GRM3: variants seen among roughly 807,000 people sequenced by gnomAD.
The protein encoded by GRM3 is glutamate metabotropic receptor 3.
In GRM3, 26 loss-of-function variants were observed where a neutral mutation model predicts 70.5. The observed-to-expected ratio is 0.37, with a 90% CI of 0.27 to 0.51. GRM3 has a LOEUF of 0.51. Among genes scored for constraint, GRM3 ranks in the 20% least tolerant of loss-of-function variants. The probability of loss-of-function intolerance (pLI) is 0.93; values close to 1 mark genes in which losing one functional copy is unlikely to be tolerated. For missense variants in GRM3, 859 were observed against 1,123.8 expected, an observed-to-expected ratio of 0.76 and a Z score of 3.37; for synonymous variants, 443 against 434.9, an observed-to-expected ratio of 1.02 and a Z score of -0.23.
At chr7:86,717,479 C>A (rs1418871146) in intron 1 of GRM3, among the ~76,000 whole-genome samples, 1 of 151,958 alleles carries the variant, frequency 6.6e-6, no homozygotes, top group Non-Finnish European at 1.5e-5. Flanking sequence ...TTTCCTTCAT[C>A]CATCTCTCTT....
intron 1 of GRM3, among the ~76,000 whole-genome samples, chr7:86,657,012 T>A (rs548329708): frequency 6.6e-6 from 1 of 152,360 alleles, no homozygotes; most frequent in South Asian, 2.1e-4. Flanking sequence ...ATCATGTTAA[T>A]ATCTTCCATT....
At chr7:86,770,246 T>G (rs190541476) in intron 2 of GRM3, among the ~76,000 whole-genome samples, 1 of 152,124 alleles carries the variant, frequency 6.6e-6, no homozygotes, top group Non-Finnish European at 1.5e-5. Flanking sequence ...TCCCTGAGTG[T>G]TAAAGCGACT....
At position 86,827,508 on chromosome 7, in the gene GRM3, T is replaced by C. The variant is rs115647655; in HGVS notation, c.1325-11331T>C. Among the ~76,000 whole-genome samples the C allele has an allele frequency of 5.5e-3, 823 of 150,896 alleles. 3 individuals are homozygous for C. The highest frequency in any genetic ancestry group is 0.019 in the African/African-American group (759 of 40,752). ...ATATCTGGAAAATATAAAAAACTCA[T>C]ATAAATCACTTTTTTTTTTTTTGAG... is the stretch of plus-strand genomic sequence containing the variant. On this transcript the variant is annotated intron_variant, in intron 3 of 5. Transcript: ENST00000361669.
Position 86,864,410 on chromosome 7 carries a change from C to A in GRM3, c.*55C>A. 2 of 1,170,040 alleles carry A rather than the reference C, an allele frequency of 1.7e-6. No individual in the cohort carries two copies. Among genetic ancestry groups the A allele is most frequent in the East Asian group, 4.7e-5 (2 of 42,822 alleles). The allele number at this position is 1,170,040 out of a possible 1,614,324, so 72.5% of individuals were successfully genotyped here. ...TTAGACTGTTAGACAAAAGTGCTCACGTGCAGCTCCAGAATATGGAAACAG... is the reference window on the plus strand; with the variant it reads ...TTAGACTGTTAGACAAAAGTGCTCAAGTGCAGCTCCAGAATATGGAAACAG... On this transcript the variant is annotated 3_prime_UTR_variant, in exon 6 of 6. Coordinates refer to ENST00000361669, the MANE Select transcript of GRM3 (RefSeq NM_000840.3).
At chr7:86,689,572 A>C (rs925494945) in intron 1 of GRM3, among the ~76,000 whole-genome samples, 1 of 152,146 alleles carries the variant, frequency 6.6e-6, no homozygotes, top group Non-Finnish European at 1.5e-5. Context: ...AAGCAGCATA[A>C]TGTTAATATT....
rs59495052 is a variant in GRM3 at position 86,646,937 on chromosome 7, A to C, written c.-141+2065A>C. The stretch of plus-strand genomic sequence containing the variant: ...AAAGGAGTATAAATCCGATGATTTA[A>C]CCCACAACTACACATATCAAAATGA... On this transcript the variant is annotated intron_variant, in intron 1 of 5. Transcript: ENST00000361669. Among the ~76,000 whole-genome samples the C allele has an allele frequency of 6.9e-3, 1,058 of 152,338 alleles. 19 individuals carry two copies. The highest frequency in any genetic ancestry group is 0.024 in the African/African-American group (992 of 41,568).
intron 3 of GRM3, among the ~76,000 whole-genome samples, chr7:86,824,099 C>T (rs541347965): frequency 1.1e-4 from 17 of 152,242 alleles, no homozygotes; most frequent in Non-Finnish European, 2.4e-4. Flanking sequence ...GTTCCTCTGT[C>T]AGTCAGCCAG....
At chr7:86,670,938 C>T (rs1296104629) in intron 1 of GRM3, among the ~76,000 whole-genome samples, 1 of 152,198 alleles carries the variant, frequency 6.6e-6, no homozygotes, top group South Asian at 2.1e-4. Flanking sequence ...GGTATACTCT[C>T]TCCCATCAAT....
intron 1 of GRM3, among the ~76,000 whole-genome samples, chr7:86,653,348 C>A (rs1793655020): frequency 6.6e-6 from 1 of 152,198 alleles, no homozygotes; most frequent in African/African-American, 2.4e-5. Flanking sequence ...CGGTCCATAA[C>A]AATTACATGT....
rs113705693 is a variant in GRM3, at chr7:86,697,506, G to A, written c.-141+52634G>A. Among the ~76,000 whole-genome samples, 562 of 152,132 alleles carry A rather than the reference G, an allele frequency of 3.7e-3. 1 individual carries two copies. The highest frequency in any genetic ancestry group is 6.2e-3 in the Non-Finnish European group (423 of 67,994). On this transcript the variant is annotated intron_variant, in intron 1 of 5. Coordinates refer to ENST00000361669, the MANE Select transcript of GRM3 (RefSeq NM_000840.3). ...ACTTTGTTCCTTAAGAGAGAATTAC[G>A]AAAAACAGAGAAGACATTTTTTCTG...
intron 3 of GRM3, among the ~76,000 whole-genome samples, chr7:86,826,142 G>T (rs1241181738): frequency 6.6e-6 from 1 of 152,102 alleles, no homozygotes; most frequent in Non-Finnish European, 1.5e-5. Context: ...GATTAAATTG[G>T]TCATCAGAAT....
At chr7:86,789,981 A>T (rs1372172909) in intron 3 of GRM3, among the ~76,000 whole-genome samples, 1 of 152,056 alleles carries the variant, frequency 6.6e-6, no homozygotes, top group Non-Finnish European at 1.5e-5. Flanking sequence ...GGAGCTAACC[A>T]CTGCCCAGGT....
chr7:86,832,145 T>G (rs1267506730), intron 3 of GRM3, among the ~76,000 whole-genome samples: 1 of 152,162 alleles, frequency 6.6e-6, no homozygotes, highest in African/African-American at 2.4e-5. Flanking sequence ...GAGATGACAC[T>G]GTCTTTCACC....
chr7:86,820,769 T>C (rs1295574327), intron 3 of GRM3, among the ~76,000 whole-genome samples: 2 of 152,144 alleles, frequency 1.3e-5, no homozygotes, highest in Non-Finnish European at 2.9e-5. Context: ...AAATCTTTTA[T>C]GTTCCCTGAG....
chr7:86,863,203 G>A (rs138471524), intron 5 of GRM3, among the ~76,000 whole-genome samples: 4 of 152,114 alleles, frequency 2.6e-5, no homozygotes, highest in Non-Finnish European at 5.9e-5. Context: ...CATTAAGGGT[G>A]AAATATATAT....
intron 2 of GRM3, among the ~76,000 whole-genome samples, chr7:86,782,653 C>T (rs1335898603): frequency 6.6e-5 from 10 of 152,156 alleles, no homozygotes; most frequent in Non-Finnish European, 1.2e-4. Context: ...TATATGGGGA[C>T]GCCCCCAACA....
At chr7:86,674,191 C>G (rs559370735) in intron 1 of GRM3, among the ~76,000 whole-genome samples, 62 of 152,230 alleles carry the variant, frequency 4.1e-4, no homozygotes, top group African/African-American at 1.5e-3. Context: ...TGTTGGCTTT[C>G]TCTAATGTCA....
chr7:86,837,406 G>A (rs1392311613), intron 3 of GRM3, among the ~76,000 whole-genome samples: 2 of 152,184 alleles, frequency 1.3e-5, no homozygotes, highest in East Asian at 3.9e-4. Context: ...GAAGCTCGCA[G>A]GGGAGGCAAC....
chr7:86,803,238 C>G (rs1797720565), intron 3 of GRM3, among the ~76,000 whole-genome samples: 2 of 152,144 alleles, frequency 1.3e-5, no homozygotes, highest in African/African-American at 4.8e-5. Flanking sequence ...GATATACAAA[C>G]AAAATATATC....
Sources: gnomAD v4.1 joint callset for allele counts (sites outside exome capture counted in the v4.1 genomes callset) on GRCh38, gnomAD v4.1.1 for gene constraint, MANE v1.5 for transcripts, NCBI Gene and HGNC (gene_info 2026-07-23, HGNC 2026-07-21) for gene names.